MAP3K20: variants seen among roughly 807,000 people sequenced by gnomAD.
MAP3K20 encodes mitogen-activated protein kinase kinase kinase 20, also known as HCCS-4.
A neutral mutation model predicts 85.7 loss-of-function variants in MAP3K20; 40 were observed. The ratio of observed to expected loss-of-function variants is 0.47; its 90% CI spans 0.36 to 0.61. The LOEUF is 0.61. MAP3K20 is among the 20% of genes least tolerant of loss of function. MAP3K20 has a pLI of 0.00. For missense variants in MAP3K20, 817 were observed against 961.7 expected (o/e 0.85, Z 1.99); for synonymous variants, 325 against 327.7 (o/e 0.99, Z 0.09).
chr2:173,075,833 C>T, upstream of MAP3K20: 1 of 985,380 alleles, frequency 1.0e-6, no homozygotes, highest in Non-Finnish European at 1.2e-6. Flanking sequence ...GTGCTGTTGC[C>T]GTGACTGTCT....
At chr2:173,235,691 C>T (rs1684632046) in intron 14 of MAP3K20, among the ~76,000 whole-genome samples, 1 of 152,140 alleles carries the variant, frequency 6.6e-6, no homozygotes, top group African/African-American at 2.4e-5. Context: ...GTGCTAAATG[C>T]CATTCAATTG....
intron 4 of MAP3K20, among the ~76,000 whole-genome samples, chr2:173,183,801 CA>C (rs1295450163): frequency 6.6e-6 from 1 of 152,120 alleles, no homozygotes; most frequent in African/African-American, 2.4e-5. Flanking sequence ...CATCTCTTTA[CA>C]AAGCAAATAT....
chr2:173,114,912 C>T lies in MAP3K20; in HGVS notation c.159+23722C>T, dbSNP rs140373686. ...CGAAGATCTTTTTGCAGTGAATTTCCCAGATGTTCTTTGTGCTTCTTGTAT... is the reference window on the plus strand; with the variant it reads ...CGAAGATCTTTTTGCAGTGAATTTCTCAGATGTTCTTTGTGCTTCTTGTAT... On this transcript the variant is annotated intron_variant, in intron 2 of 19. Transcript: ENST00000375213. Among the ~76,000 whole-genome samples, 566 of 152,262 alleles carry T rather than the reference C, an allele frequency of 3.7e-3. 8 individuals carry two copies. The highest frequency in any genetic ancestry group is 0.013 in the African/African-American group (541 of 41,544).
intron 4 of MAP3K20, among the ~76,000 whole-genome samples, chr2:173,184,314 G>C (rs956657025): frequency 1.3e-5 from 2 of 152,122 alleles, no homozygotes; most frequent in African/African-American, 4.8e-5. Flanking sequence ...CCTTACACAC[G>C]TTTGCATTTA....
chr2:173,208,746 T>A (rs2106301471), intron 9 of MAP3K20, among the ~76,000 whole-genome samples: 1 of 152,328 alleles, frequency 6.6e-6, no homozygotes, highest in Middle Eastern at 3.4e-3. Context: ...ACATTGTTTC[T>A]TCTTGTTTTT....
intron 16 of MAP3K20, among the ~76,000 whole-genome samples, chr2:173,251,932 A>C (rs1185838668): frequency 6.6e-6 from 1 of 152,180 alleles, no homozygotes; most frequent in Non-Finnish European, 1.5e-5. Context: ...TGATTGTTTA[A>C]TGGTTTTATG....
At chr2:173,206,120 T>C (rs560651733) in intron 9 of MAP3K20, among the ~76,000 whole-genome samples, 7 of 152,226 alleles carry the variant, frequency 4.6e-5, no homozygotes, top group Non-Finnish European at 8.8e-5. Context: ...TTGCATTGAA[T>C]TTGATTATTG....
intron 2 of MAP3K20, among the ~76,000 whole-genome samples, chr2:173,160,689 G>A (rs887803099): frequency 6.6e-6 from 1 of 152,160 alleles, no homozygotes; most frequent in Admixed American, 6.5e-5. Flanking sequence ...ACTGTTTTAG[G>A]AGTTTCTAAA....
chr2:173,240,636 A>G (rs527308933), intron 16 of MAP3K20, among the ~76,000 whole-genome samples: 1 of 152,350 alleles, frequency 6.6e-6, no homozygotes, highest in South Asian at 2.1e-4. Context: ...ATGAGATATC[A>G]TCTCACCCCA....
At chr2:173,211,756 T>C (rs1287405489) in intron 10 of MAP3K20, 2 of 152,050 alleles carry the variant, frequency 1.3e-5, no homozygotes, top group Non-Finnish European at 2.9e-5. Flanking sequence ...CTACTAAAAA[T>C]ACAAAAAATT....
chr2:173,119,291 G>A (rs1688210888), intron 2 of MAP3K20, among the ~76,000 whole-genome samples: 1 of 152,160 alleles, frequency 6.6e-6, no homozygotes, highest in Non-Finnish European at 1.5e-5. Flanking sequence ...TCTCGAGTGT[G>A]TCATGGGGCA....
chr2:173,091,308 C>A, intron 2 of MAP3K20, 118 bp downstream of exon 2: 1 of 984,622 alleles, frequency 1.0e-6, no homozygotes, highest in Non-Finnish European at 1.4e-6. Flanking sequence ...GGGACTGATC[C>A]ACGAGGCCGT....
Position 173,151,435 on chromosome 2 carries a change from C to T in MAP3K20, c.160-18370C>T, listed in dbSNP as rs539371740. Among the ~76,000 whole-genome samples, 11 of 152,230 alleles carry T rather than the reference C, an allele frequency of 7.2e-5. No individual in the cohort carries two copies. The East Asian group carries it at 7.7e-4, about 11-fold the overall frequency. ...GACATTTTATCAATAGATAAGCTGA[C>T]GCCCCAAGTCACACAGTCATTCAGT... On this transcript the variant is annotated intron_variant, in intron 2 of 19. Coordinates refer to ENST00000375213, the MANE Select transcript of MAP3K20 (RefSeq NM_016653.3).
At chr2:173,208,285 G>A (rs541132083) in intron 9 of MAP3K20, among the ~76,000 whole-genome samples, 19 of 151,912 alleles carry the variant, frequency 1.3e-4, no homozygotes, top group African/African-American at 3.4e-4. Context: ...TTTAGTCCCC[G>A]CTACTTGGGA....
At chr2:173,228,782 T>A (rs981870017) in intron 11 of MAP3K20, among the ~76,000 whole-genome samples, 5 of 148,438 alleles carry the variant, frequency 3.4e-5, no homozygotes, top group African/African-American at 1.2e-4. Flanking sequence ...TACCCTATGA[T>A]TTTTATACTA....
intron 2 of MAP3K20, among the ~76,000 whole-genome samples, chr2:173,120,074 A>C (rs1354913635): frequency 6.6e-6 from 1 of 152,140 alleles, no homozygotes; most frequent in South Asian, 2.1e-4. Context: ...TTTTTAAAAG[A>C]AAATGGTTTC....
chr2:173,139,285 T>G (rs954305007), intron 2 of MAP3K20, among the ~76,000 whole-genome samples: 5 of 152,214 alleles, frequency 3.3e-5, no homozygotes, highest in Admixed American at 3.3e-4. Context: ...TTCCGATGCC[T>G]TAATGTCCTC....
At chr2:173,135,416 A>G (rs1688772677) in intron 2 of MAP3K20, among the ~76,000 whole-genome samples, 1 of 152,246 alleles carries the variant, frequency 6.6e-6, no homozygotes, top group Non-Finnish European at 1.5e-5. Flanking sequence ...GACGGAAATG[A>G]AAGTCCTGCA....
intron 2 of MAP3K20, among the ~76,000 whole-genome samples, chr2:173,122,091 T>C (rs769711061): frequency 1.2e-4 from 19 of 152,262 alleles, no homozygotes; most frequent in Non-Finnish European, 2.6e-4. Context: ...AATCTTCTTC[T>C]ATTCAAGTCC....
Sources: gnomAD v4.1 joint callset for allele counts (sites outside exome capture counted in the v4.1 genomes callset) on GRCh38, gnomAD v4.1.1 for gene constraint, MANE v1.5 for transcripts, NCBI Gene and HGNC (gene_info 2026-07-23, HGNC 2026-07-21) for gene names.